The following CHST9 variants were observed in gnomAD, a reference collection of about 807,000 sequenced individuals.
CHST9 encodes the protein carbohydrate sulfotransferase 9.
Under a neutral mutation model 44.4 loss-of-function variants are expected in CHST9, and 41 were observed. That is an observed-to-expected ratio of 0.92 (90% CI 0.72 to 1.20). The LOEUF is 1.20. Among genes scored for constraint, CHST9 ranks in the 50% most tolerant of loss-of-function variants. The pLI, the probability that CHST9 is intolerant of heterozygous loss-of-function variation, is 0.00. For missense variants in CHST9, 504 were observed against 516.5 expected, an observed-to-expected ratio of 0.98 and a Z score of 0.23; for synonymous variants, 171 against 178.4, an observed-to-expected ratio of 0.96 and a Z score of 0.33.
intron 3 of CHST9, among the ~76,000 whole-genome samples, chr18:27,037,763 T>C (rs769953584): frequency 8.6e-5 from 13 of 151,910 alleles, no homozygotes; most frequent in Non-Finnish European, 1.8e-4. Flanking sequence ...GTTTGCTTAT[T>C]TTTGCCACTA....
intron 4 of CHST9, among the ~76,000 whole-genome samples, chr18:26,959,056 G>A (rs1192920689): frequency 6.6e-6 from 1 of 152,146 alleles, no homozygotes; most frequent in African/African-American, 2.4e-5. Context: ...AGCAAGACAT[G>A]AAATCAACCT....
rs543538079 is a variant in CHST9, at chr18:26,926,059, G to A, written c.241-8709C>T. Among the ~76,000 whole-genome samples, 14 of 152,254 alleles carry A rather than the reference G, an allele frequency of 9.2e-5. No individual in the cohort carries two copies. In the South Asian group the frequency reaches 2.5e-3, roughly 27 times the overall value. ...GAGGCAAAGGCAAAGAAAGAAAACA[G>A]AAGAAAAGAAATCACAATTATGGGT... On this transcript the variant is annotated intron_variant, in intron 5 of 5. Transcript: ENST00000618847.
chr18:27,083,427 T>G (rs1449439120), intron 2 of CHST9, among the ~76,000 whole-genome samples: 1 of 152,168 alleles, frequency 6.6e-6, no homozygotes, highest in Non-Finnish European at 1.5e-5. Context: ...CTTTAACATA[T>G]GATTTGATTG....
At chr18:27,062,640 T>C (rs1396698164) in intron 2 of CHST9, among the ~76,000 whole-genome samples, 4 of 152,314 alleles carry the variant, frequency 2.6e-5, no homozygotes, top group East Asian at 1.9e-4. Context: ...TGTGTCTTTA[T>C]AGCAGCATGA....
chr18:26,999,122 A>G (rs2056920389), intron 4 of CHST9, among the ~76,000 whole-genome samples: 1 of 152,198 alleles, frequency 6.6e-6, no homozygotes. Flanking sequence ...TTGGGAAGAA[A>G]AGCAATAACA....
At chr18:27,146,099 G>A (rs1296048168) in intron 1 of CHST9, among the ~76,000 whole-genome samples, 1 of 152,188 alleles carries the variant, frequency 6.6e-6, no homozygotes, top group Non-Finnish European at 1.5e-5. Context: ...CCACGAACCT[G>A]TGGGAACGGT....
intron 3 of CHST9, among the ~76,000 whole-genome samples, chr18:27,031,208 A>G (rs1398822213): frequency 3.3e-5 from 5 of 152,150 alleles, no homozygotes; most frequent in African/African-American, 1.2e-4. Flanking sequence ...CTGAACTTCA[A>G]TTCTGCTTCT....
chr18:26,977,810 A>C (rs865852173), intron 4 of CHST9, among the ~76,000 whole-genome samples: 1 of 152,318 alleles, frequency 6.6e-6, no homozygotes, highest in African/African-American at 2.4e-5. Context: ...CTCTCATTCC[A>C]AGTGGTGACA....
At chr18:27,121,857 C>T (rs2058377223) in intron 2 of CHST9, among the ~76,000 whole-genome samples, 2 of 152,302 alleles carry the variant, frequency 1.3e-5, no homozygotes, top group South Asian at 2.1e-4. Context: ...GGTTTCTATG[C>T]ATCTATCTAT....
At chr18:27,178,950 A>C (rs935620571) in intron 1 of CHST9, among the ~76,000 whole-genome samples, 2 of 151,966 alleles carry the variant, frequency 1.3e-5, no homozygotes, top group Non-Finnish European at 2.9e-5. Context: ...AGGGCATTAA[A>C]AATATAAGCC....
intron 2 of CHST9, among the ~76,000 whole-genome samples, chr18:27,090,983 A>T (rs1485843050): frequency 1.3e-5 from 2 of 152,302 alleles, no homozygotes; most frequent in East Asian, 3.9e-4. Flanking sequence ...ATCTGTGAAG[A>T]AAGTCATTGA....
At chr18:27,019,324 G>A (rs1219671978) in intron 4 of CHST9, among the ~76,000 whole-genome samples, 1 of 152,132 alleles carries the variant, frequency 6.6e-6, no homozygotes, top group African/African-American at 2.4e-5. Context: ...CCTCTACTCC[G>A]AGAGAGAGTA....
In CHST9 at chr18:27,144,304, T is replaced by G. The variant is rs563161037; in HGVS notation, c.-96-1399A>C. ...TTGATTTTGCCTAAGAGGTGTTTTATGGGGTGCCAGTTAAAAGTTAAAAAC... is the reference window on the plus strand; with the variant it reads ...TTGATTTTGCCTAAGAGGTGTTTTAGGGGGTGCCAGTTAAAAGTTAAAAAC... On this transcript the variant is annotated intron_variant, in intron 1 of 5. Coordinates refer to ENST00000618847, the MANE Select transcript of CHST9 (RefSeq NM_031422.6). Among the ~76,000 whole-genome samples the G allele has an allele frequency of 2.0e-3, 301 of 152,310 alleles. 3 individuals are homozygous for G. The highest frequency in any genetic ancestry group is 0.015 in the South Asian group (73 of 4,824).
chr18:26,969,010 T>C (rs1430475323), intron 4 of CHST9, among the ~76,000 whole-genome samples: 1 of 151,678 alleles, frequency 6.6e-6, no homozygotes, highest in Admixed American at 6.6e-5. Flanking sequence ...CTTTTTTTTT[T>C]TTTTTTGAGA....
intron 3 of CHST9, among the ~76,000 whole-genome samples, chr18:27,037,455 C>T (rs1246963351): frequency 6.6e-6 from 1 of 152,154 alleles, no homozygotes; most frequent in African/African-American, 2.4e-5. Context: ...TTTCGGAGGC[C>T]AAGGCAGGAG....
At chr18:26,934,859 A>C (rs970772420) in intron 5 of CHST9, 1 of 152,180 alleles carries the variant, frequency 6.6e-6, no homozygotes, top group African/African-American at 2.4e-5. Flanking sequence ...GGCTGTTTCA[A>C]ACTCCCATAT....
chr18:26,981,886 G>T (rs2056695967), intron 4 of CHST9, among the ~76,000 whole-genome samples: 1 of 152,122 alleles, frequency 6.6e-6, no homozygotes, highest in Non-Finnish European at 1.5e-5. Context: ...TGCCCTAGTT[G>T]AAGTTCTTAT....
chr18:26,948,277 T>C (rs1349799644), intron 4 of CHST9, among the ~76,000 whole-genome samples: 2 of 152,036 alleles, frequency 1.3e-5, no homozygotes, highest in Admixed American at 1.3e-4. Flanking sequence ...GTGATAGCAT[T>C]AGGAGAAATA....
intron 3 of CHST9, among the ~76,000 whole-genome samples, chr18:27,040,582 A>T (rs2057434146): frequency 6.6e-6 from 1 of 151,974 alleles, no homozygotes; most frequent in Non-Finnish European, 1.5e-5. Context: ...AGTGGACTTG[A>T]GGTGTTTCAT....
Sources: gnomAD v4.1 joint callset for allele counts (sites outside exome capture counted in the v4.1 genomes callset) on GRCh38, gnomAD v4.1.1 for gene constraint, MANE v1.5 for transcripts, NCBI Gene and HGNC (gene_info 2026-07-23, HGNC 2026-07-21) for gene names.